MEP1A: variants seen among roughly 807,000 people sequenced by gnomAD.
The protein encoded by MEP1A is meprin A subunit alpha.
A neutral mutation model predicts 84.5 loss-of-function variants in MEP1A; 68 were observed. The observed-to-expected ratio is 0.80, with a 90% CI of 0.66 to 0.98. The LOEUF (loss-of-function observed/expected upper bound fraction) is 0.98, where lower values mean the gene tolerates loss of function less well. Among genes scored for constraint, MEP1A ranks in the 50% least tolerant of loss-of-function variants. The probability of loss-of-function intolerance (pLI) is 0.00; values close to 1 mark genes in which losing one functional copy is unlikely to be tolerated. For synonymous variants in MEP1A, 337 were observed against 336.8 expected (o/e 1.00, Z -0.01); for missense variants, 887 against 919.9 (o/e 0.96, Z 0.46).
chr6:46,836,982 C>T (rs935039204), intron 13 of MEP1A, among the ~76,000 whole-genome samples: 3 of 152,134 alleles, frequency 2.0e-5, no homozygotes, highest in Admixed American at 6.5e-5. Flanking sequence ...CACCAGGCCT[C>T]TCCACTGAAG....
At chr6:46,843,002 T>C (rs934875311), downstream of MEP1A, among the ~76,000 whole-genome samples, 3 of 152,220 alleles carry the variant, frequency 2.0e-5, no homozygotes, top group Admixed American at 2.0e-4. Context: ...TCTGTCCTTT[T>C]AAGTGCTCCA....
intron 5 of MEP1A, among the ~76,000 whole-genome samples, chr6:46,800,590 G>T (rs956226537): frequency 8.5e-5 from 13 of 152,168 alleles, no homozygotes; most frequent in African/African-American, 2.7e-4. Context: ...CCACGTGAAG[G>T]TCACCTTTAG....
intron 12 of MEP1A, among the ~76,000 whole-genome samples, 199 bp downstream of exon 12, chr6:46,834,950 C>A (rs1204997613): frequency 6.6e-6 from 1 of 152,152 alleles, no homozygotes. Flanking sequence ...ATTTTAGTGT[C>A]ATCTTTTTGA....
chr6:46,840,480 C>G (rs1187347164), downstream of MEP1A, among the ~76,000 whole-genome samples: 1 of 152,168 alleles, frequency 6.6e-6, no homozygotes, highest in Non-Finnish European at 1.5e-5. Context: ...GCTGCTACTG[C>G]TACTGACTCC....
chr6:46,833,815 C>T (rs1213947977), intron 11 of MEP1A, among the ~76,000 whole-genome samples: 4 of 152,092 alleles, frequency 2.6e-5, no homozygotes, highest in African/African-American at 9.7e-5. Context: ...ATCCCTGCCT[C>T]ACTGAGCTCG....
chr6:46,824,921 G>C (rs12204818), intron 7 of MEP1A, among the ~76,000 whole-genome samples: 1 of 112,830 alleles, frequency 8.9e-6, no homozygotes, highest in Non-Finnish European at 1.8e-5. Flanking sequence ...TATTTAAATA[G>C]ATCTATTTAA....
intron 5 of MEP1A, among the ~76,000 whole-genome samples, chr6:46,808,213 T>TAA (rs1422747654): frequency 6.6e-6 from 1 of 152,034 alleles, no homozygotes; most frequent in African/African-American, 2.4e-5. Context: ...CAGATGTAAC[T>TAA]AAGTAAGAAT....
rs1298614136 is a variant in MEP1A at position 46,833,420 on chromosome 6, G to A, written c.1491G>A (p.Leu497=). 6.2e-7 allele frequency: 1 copy of A among 1,614,194 alleles called. No homozygotes were observed. ...GCAGTGGGGAGAACGATGCTATCCT[G>A]GAGTGGCCGGTAGAAAACAGACAGG... The part of the protein sequence containing the change: ...HVCSGENDAI[L]EWPVENRQVI... The change falls in exon 11 of 14, where the codon CTG becomes CTA. Residue 497 remains leucine, a synonymous_variant. Transcript: ENST00000230588.
At chr6:46,838,561 T>TATCTGGGG (rs2150759594) in intron 13 of MEP1A, among the ~76,000 whole-genome samples, 1 of 152,340 alleles carries the variant, frequency 6.6e-6, no homozygotes, top group East Asian at 1.9e-4. Flanking sequence ...AGTCGGTCTA[T>TATCTGGGG]ATCTGGGGAA....
In MEP1A at chr6:46,832,022, T is replaced by C. The variant is rs553794754; in HGVS notation, c.1145-1052T>C. On this transcript the variant is annotated intron_variant, in intron 10 of 13. Transcript: ENST00000230588. ...ACATTGTTAGACCTGTCCCTTGAAGTTGTACTTAGAGAGAATGGCCTGAAA... is the reference window on the plus strand; with the variant it reads ...ACATTGTTAGACCTGTCCCTTGAAGCTGTACTTAGAGAGAATGGCCTGAAA... 3.3e-5 allele frequency among the ~76,000 whole-genome samples: 5 copies of C among 152,112 alleles called. No homozygotes were observed. The East Asian group carries it at 7.7e-4, about 24-fold the overall frequency.
intron 6 of MEP1A, among the ~76,000 whole-genome samples, chr6:46,815,927 C>T (rs1002574911): frequency 3.2e-4 from 48 of 152,062 alleles, no homozygotes; most frequent in African/African-American, 1.1e-3. Context: ...GGAGCTTATT[C>T]ATTTATTTAT....
Position 46,830,847 on chromosome 6 carries a change from A to G in MEP1A, c.1144+1276A>G, listed in dbSNP as rs562213555. ...GTTGAAATTTATTATAGTTTATATG[A>G]TAAAAGGATGACAGCTAGATACTCT... is the stretch of plus-strand genomic sequence containing the variant. On this transcript the variant is annotated intron_variant, in intron 10 of 13. Coordinates refer to ENST00000230588, the MANE Select transcript of MEP1A (RefSeq NM_005588.3). Among the ~76,000 whole-genome samples, 8 of 152,326 alleles carry G rather than the reference A, an allele frequency of 5.3e-5. No homozygotes were observed. The South Asian group carries it at 1.7e-3, about 32-fold the overall frequency.
chr6:46,829,717 A>G (rs1221194753), intron 10 of MEP1A, 146 bp downstream of exon 10: 3 of 636,582 alleles, frequency 4.7e-6, no homozygotes, highest in East Asian at 5.4e-5. Context: ...CTCAGAGCCT[A>G]TCATAATATA....
intron 5 of MEP1A, among the ~76,000 whole-genome samples, chr6:46,805,055 G>A (rs899069974): frequency 6.6e-6 from 1 of 151,810 alleles, no homozygotes; most frequent in African/African-American, 2.4e-5. Flanking sequence ...ATTGAATTTA[G>A]TATATCACAG....
At chr6:46,814,562 G>A (rs1767587279) in intron 6 of MEP1A, among the ~76,000 whole-genome samples, 2 of 152,016 alleles carry the variant, frequency 1.3e-5, no homozygotes, top group African/African-American at 2.4e-5. Flanking sequence ...CAGAGATTTT[G>A]TCTTCATTTG....
chr6:46,793,839 C>A, intron 3 of MEP1A, 123 bp downstream of exon 3: 1 of 714,600 alleles, frequency 1.4e-6, no homozygotes, highest in Non-Finnish European at 2.2e-6. Flanking sequence ...TTTTTTGGTG[C>A]TTTGTGAGAA....
chr6:46,839,226 G>A lies in MEP1A; in HGVS notation c.*90G>A. On this transcript the variant is annotated 3_prime_UTR_variant, in exon 14 of 14. Transcript: ENST00000230588. ...GGTCAATGCAGTTTTTATCAGCCTTGCTTTGGATAGGACCTCCAAGGACTA... is the reference window on the plus strand; with the variant it reads ...GGTCAATGCAGTTTTTATCAGCCTTACTTTGGATAGGACCTCCAAGGACTA... 3 of 518,992 alleles carry A rather than the reference G, an allele frequency of 5.8e-6. No homozygotes were observed. Among genetic ancestry groups the A allele is most frequent in the Non-Finnish European group, 3.1e-6 (1 of 325,610 alleles). 32.1% of individuals were successfully genotyped at this position (518,992 alleles called of 1,614,324 possible).
chr6:46,840,328 A>T (rs1443307449), downstream of MEP1A, among the ~76,000 whole-genome samples: 1 of 152,224 alleles, frequency 6.6e-6, no homozygotes, highest in Non-Finnish European at 1.5e-5. Context: ...GGGAGGACTG[A>T]TTAAAACAGA....
chr6:46,824,875 TATTTAAATATATATA>T (rs1165668893), intron 7 of MEP1A, among the ~76,000 whole-genome samples: 2 of 111,742 alleles, frequency 1.8e-5, no homozygotes, highest in African/African-American at 8.4e-5. Context: ...TAAATAGATC[TATTTAAATATATATA>T]AATTATATAT....
Sources: gnomAD v4.1 joint callset for allele counts (sites outside exome capture counted in the v4.1 genomes callset) on GRCh38, gnomAD v4.1.1 for gene constraint, MANE v1.5 for transcripts, NCBI Gene and HGNC (gene_info 2026-07-23, HGNC 2026-07-21) for gene names.